The following GALNT13 variants were observed in gnomAD, a reference collection of about 807,000 sequenced individuals.
GALNT13 encodes UDP-GalNAc:polypeptide N-acetylgalactosaminyltransferase 13.
GALNT13 carries 28 observed loss-of-function variants against 64.2 expected under a neutral mutation model. That is an observed-to-expected ratio of 0.44 (90% CI 0.32 to 0.60). GALNT13 has a LOEUF of 0.60. GALNT13 is among the 20% of genes least tolerant of loss of function. The pLI is 0.05. For missense variants in GALNT13, 577 were observed against 669.8 expected (o/e 0.86, Z 1.53); for synonymous variants, 214 against 224.6 (o/e 0.95, Z 0.42).
At chr2:154,427,990 G>A (rs1229422771) in intron 11 of GALNT13, among the ~76,000 whole-genome samples, 3 of 152,148 alleles carry the variant, frequency 2.0e-5, no homozygotes, top group African/African-American at 7.2e-5. Context: ...TTGCTAAACA[G>A]TTATCTCTTT....
At chr2:153,687,214 A>G in the GALNT13 span, among the ~76,000 whole-genome samples, 1 of 151,980 alleles carries the variant, frequency 6.6e-6, no homozygotes, top group African/African-American at 2.4e-5. Context: ...TTCTGTAGCA[A>G]TGGTACCAGC....
chr2:153,882,047 AAG>A (rs1373525221), intron 1 of GALNT13, among the ~76,000 whole-genome samples: 3 of 152,150 alleles, frequency 2.0e-5, no homozygotes, highest in African/African-American at 7.2e-5. Flanking sequence ...AGGAAGGAAT[AAG>A]AACTATTTTT....
chr2:153,610,148 G>A, the GALNT13 span, among the ~76,000 whole-genome samples: 1,223 of 152,190 alleles, frequency 8.0e-3, 21 homozygotes, highest in African/African-American at 0.027. Flanking sequence ...CAAAGTTGGT[G>A]AATAAAGAAA....
intron 11 of GALNT13, among the ~76,000 whole-genome samples, chr2:154,413,312 A>G (rs1004758359): frequency 6.6e-6 from 1 of 151,934 alleles, no homozygotes; most frequent in East Asian, 1.9e-4. Context: ...CCAAATCCCA[A>G]CACTTCTATG....
At chr2:154,364,106 A>G (rs1697229460) in intron 9 of GALNT13, among the ~76,000 whole-genome samples, 1 of 152,322 alleles carries the variant, frequency 6.6e-6, no homozygotes, top group Middle Eastern at 3.4e-3. Context: ...ATACTGTTGT[A>G]TTATCCTTAC....
intron 2 of GALNT13, among the ~76,000 whole-genome samples, chr2:153,918,459 G>T (rs1457890213): frequency 6.6e-6 from 1 of 152,004 alleles, no homozygotes; most frequent in Non-Finnish European, 1.5e-5. Flanking sequence ...GCCAACCTTT[G>T]CTACTCCCCT....
the GALNT13 span, among the ~76,000 whole-genome samples, chr2:153,219,961 C>T: frequency 6.6e-6 from 1 of 152,208 alleles, no homozygotes; most frequent in Non-Finnish European, 1.5e-5. Flanking sequence ...TCTGTTCTAA[C>T]ACTAGTTTTA....
intron 3 of GALNT13, among the ~76,000 whole-genome samples, chr2:154,036,659 T>TCTTTA (rs536403093): frequency 2.0e-5 from 3 of 152,258 alleles, no homozygotes; most frequent in Non-Finnish European, 4.4e-5. Flanking sequence ...AAATATTTTT[T>TCTTTA]CTTTACTTTA....
At chr2:153,336,140 C>T in the GALNT13 span, among the ~76,000 whole-genome samples, 24 of 152,262 alleles carry the variant, frequency 1.6e-4, no homozygotes, top group Middle Eastern at 3.4e-3. Context: ...GCTGCAGGGG[C>T]GGGATGCTCC....
At chr2:154,256,471 G>T (rs1432863133) in intron 7 of GALNT13, among the ~76,000 whole-genome samples, 1 of 152,120 alleles carries the variant, frequency 6.6e-6, no homozygotes, top group Non-Finnish European at 1.5e-5. Context: ...ATGAAAATAG[G>T]AGGGGTTAAA....
chr2:154,082,691 A>G (rs996759502), intron 3 of GALNT13, among the ~76,000 whole-genome samples: 3 of 151,472 alleles, frequency 2.0e-5, no homozygotes, highest in Non-Finnish European at 3.0e-5. Context: ...TCCATTTTCC[A>G]TGGCCACCTC....
intron 9 of GALNT13, among the ~76,000 whole-genome samples, chr2:154,327,828 G>T (rs1443946158): frequency 6.6e-6 from 1 of 152,168 alleles, no homozygotes. Context: ...TAGAATACCA[G>T]AGAGCTGTAA....
intron 3 of GALNT13, among the ~76,000 whole-genome samples, chr2:154,116,994 C>G (rs1198360215): frequency 6.6e-6 from 1 of 152,154 alleles, no homozygotes; most frequent in Non-Finnish European, 1.5e-5. Context: ...AGAGCCTATC[C>G]AAGTCCCAAA....
At chr2:153,438,070 G>T in the GALNT13 span, among the ~76,000 whole-genome samples, 2 of 151,190 alleles carry the variant, frequency 1.3e-5, no homozygotes, top group Admixed American at 6.6e-5. Context: ...TATTTTATTT[G>T]TCCTTCACTT....
At chr2:154,090,569 CTGTT>C (rs1314437953) in intron 3 of GALNT13, among the ~76,000 whole-genome samples, 2 of 151,996 alleles carry the variant, frequency 1.3e-5, no homozygotes, top group Admixed American at 6.6e-5. Flanking sequence ...TTTTCTCAGT[CTGTT>C]TTAAAATAAC....
the GALNT13 span, among the ~76,000 whole-genome samples, chr2:153,390,862 T>TG: frequency 6.6e-6 from 1 of 151,882 alleles, no homozygotes; most frequent in Non-Finnish European, 1.5e-5. Flanking sequence ...GGGTTGAAGA[T>TG]GGGGGGAAGA....
chr2:153,948,223 A>G (rs1453739492), intron 3 of GALNT13, among the ~76,000 whole-genome samples: 1 of 112,714 alleles, frequency 8.9e-6, no homozygotes, highest in African/African-American at 3.5e-5. Flanking sequence ...AAGAATGTTA[A>G]TGGCAATTTA....
intron 2 of GALNT13, among the ~76,000 whole-genome samples, chr2:153,928,682 G>A (rs1050007757): frequency 1.3e-5 from 2 of 152,042 alleles, no homozygotes; most frequent in Non-Finnish European, 2.9e-5. Flanking sequence ...TTATGTTTTT[G>A]AGGCCCATAT....
At chr2:153,120,177 C>G in the GALNT13 span, among the ~76,000 whole-genome samples, 1 of 152,172 alleles carries the variant, frequency 6.6e-6, no homozygotes, top group Non-Finnish European at 1.5e-5. Flanking sequence ...CTCTGGGCCT[C>G]TGGTAATCTT....
Sources: allele counts gnomAD v4.1 joint callset (sites outside exome capture counted in the v4.1 genomes callset), GRCh38; gene constraint gnomAD v4.1.1; transcripts MANE v1.5; gene names NCBI Gene and HGNC (gene_info 2026-07-23, HGNC 2026-07-21).